Variants in SSPN observed in about 807,000 individuals in gnomAD.
SSPN encodes K-ras oncogene-associated protein.
A neutral mutation model predicts 19.1 loss-of-function variants in SSPN; 15 were observed. That is an observed-to-expected ratio of 0.78 (90% CI 0.52 to 1.21). SSPN has a LOEUF of 1.21. Ranked by LOEUF, SSPN falls within the 50% of genes most tolerant of loss-of-function variation. The pLI, the probability that SSPN is intolerant of heterozygous loss-of-function variation, is 0.00. For synonymous variants in SSPN, 147 were observed against 140.3 expected (o/e 1.05, Z -0.34); for missense variants, 291 against 314.0 (o/e 0.93, Z 0.55).
At chr12:26,164,279 A>T (rs891645633) in intron 1 of SSPN, among the ~76,000 whole-genome samples, 2 of 152,190 alleles carry the variant, frequency 1.3e-5, no homozygotes, top group African/African-American at 4.8e-5. Flanking sequence ...CTTCCCAAGA[A>T]CTTATTATGT....
intron 1 of SSPN, chr12:26,122,412 TC>T: frequency 2.3e-6 from 3 of 1,316,470 alleles, no homozygotes; most frequent in Non-Finnish European, 2.0e-6. Flanking sequence ...GCCGCTCTTG[TC>T]CAGGAAGGGC....
At chr12:26,228,269 C>A (rs1945196870) in intron 2 of SSPN, among the ~76,000 whole-genome samples, 1 of 151,174 alleles carries the variant, frequency 6.6e-6, no homozygotes, top group African/African-American at 2.4e-5. Context: ...TGTGGTGGCA[C>A]ACACCTGTAG....
At chr12:26,227,964 C>A (rs1229237107) in intron 2 of SSPN, among the ~76,000 whole-genome samples, 1 of 152,190 alleles carries the variant, frequency 6.6e-6, no homozygotes, top group Non-Finnish European at 1.5e-5. Flanking sequence ...AGACAAAATT[C>A]CCATTTTCAG....
At chr12:26,123,359 G>A (rs534544194) in intron 1 of SSPN, among the ~76,000 whole-genome samples, 80 of 152,306 alleles carry the variant, frequency 5.3e-4, no homozygotes, top group African/African-American at 1.7e-3. Context: ...GGAGCGGGGA[G>A]AGGGCGCTCT....
At chr12:26,228,163 A>G (rs966205914) in intron 2 of SSPN, among the ~76,000 whole-genome samples, 1 of 152,100 alleles carries the variant, frequency 6.6e-6, no homozygotes, top group Non-Finnish European at 1.5e-5. Context: ...TGGGAGGCTG[A>G]GTCAGGAGGA....
At chr12:26,173,401 A>T (rs1944664812) in intron 1 of SSPN, among the ~76,000 whole-genome samples, 1 of 152,184 alleles carries the variant, frequency 6.6e-6, no homozygotes, top group African/African-American at 2.4e-5. Flanking sequence ...GTAACTACAG[A>T]TTCAGCCACT....
chr12:26,124,933 T>C lies in SSPN; in HGVS notation c.-31+2781T>C, dbSNP rs1022081540. ...GTGCAGTGTTGAAAGTGTGAAGCAG[T>C]TGGTCCCCCCCCTCCACCGCGCTCG... On this transcript the variant is annotated intron_variant, in intron 1 of 2. Transcript: ENST00000538142. The C allele has an allele frequency of 1.3e-4, 104 of 793,308 alleles. No homozygotes were observed. In the Admixed American group the frequency reaches 1.5e-3, roughly 12 times the overall value. The allele number at this position is 793,308 out of a possible 1,614,324, so 49.1% of individuals were successfully genotyped here. A position where few individuals can be genotyped will look rare whatever the true frequency, so the allele number is the denominator to read the frequency against.
At chr12:26,185,136 A>G (rs1184843805) in intron 1 of SSPN, among the ~76,000 whole-genome samples, 1 of 152,194 alleles carries the variant, frequency 6.6e-6, no homozygotes, top group African/African-American at 2.4e-5. Context: ...ACTGAAAAAA[A>G]TACTCCTCTC....
chr12:26,205,820 A>G (rs1944926295), intron 1 of SSPN, among the ~76,000 whole-genome samples: 1 of 152,214 alleles, frequency 6.6e-6, no homozygotes, highest in African/African-American at 2.4e-5. Flanking sequence ...TATGAGTTAC[A>G]TGTTCAATAA....
At chr12:26,178,653 TG>T (rs1944699636) in intron 1 of SSPN, among the ~76,000 whole-genome samples, 2 of 151,826 alleles carry the variant, frequency 1.3e-5, no homozygotes, top group African/African-American at 4.8e-5. Flanking sequence ...AGGAACAGAG[TG>T]GGTCTGGCTT....
chr12:26,128,833 T>C (rs1279614851), intron 1 of SSPN, among the ~76,000 whole-genome samples: 4 of 152,166 alleles, frequency 2.6e-5, no homozygotes, highest in Non-Finnish European at 5.9e-5. Context: ...TGCTTTTCTT[T>C]GGTTAAGTAA....
At chr12:26,178,354 T>C (rs949431934) in intron 1 of SSPN, among the ~76,000 whole-genome samples, 2 of 152,252 alleles carry the variant, frequency 1.3e-5, no homozygotes, top group Middle Eastern at 6.8e-3. Context: ...TGTATGTGTG[T>C]GTGTGTGTGT....
intron 1 of SSPN, among the ~76,000 whole-genome samples, chr12:26,136,675 C>T (rs1361625770): frequency 1.3e-5 from 2 of 152,152 alleles, no homozygotes; most frequent in Non-Finnish European, 2.9e-5. Flanking sequence ...CTATTGCTTT[C>T]CATTACTCTT....
At chr12:26,154,857 C>T (rs768763437) in intron 1 of SSPN, among the ~76,000 whole-genome samples, 4 of 151,986 alleles carry the variant, frequency 2.6e-5, no homozygotes, top group Non-Finnish European at 5.9e-5. Flanking sequence ...AGATCCTGGA[C>T]CAGAATTATA....
At chr12:26,166,456 G>GATTGTAC (rs1322145581) in intron 1 of SSPN, among the ~76,000 whole-genome samples, 2 of 152,216 alleles carry the variant, frequency 1.3e-5, no homozygotes, top group African/African-American at 4.8e-5. Context: ...AAAACTGGCT[G>GATTGTAC]ATTGTACATT....
intron 1 of SSPN, among the ~76,000 whole-genome samples, chr12:26,209,679 G>A (rs983261430): frequency 6.6e-6 from 1 of 151,908 alleles, no homozygotes; most frequent in African/African-American, 2.4e-5. Context: ...TTTAAAAACT[G>A]TCCTGTTCTT....
At chr12:26,184,154 A>G (rs140998506) in intron 1 of SSPN, among the ~76,000 whole-genome samples, 37 of 152,272 alleles carry the variant, frequency 2.4e-4, no homozygotes, top group Non-Finnish European at 4.6e-4. Context: ...GAACATTCCT[A>G]CTCTAAAGCC....
chr12:26,184,175 A>G (rs115107097), intron 1 of SSPN, among the ~76,000 whole-genome samples: 2,206 of 152,316 alleles, frequency 0.014, 62 homozygotes, highest in African/African-American at 0.051. Flanking sequence ...TGCAGATGAC[A>G]ATCTGAATGG....
chr12:26,159,132 G>A (rs1362666676), intron 1 of SSPN, among the ~76,000 whole-genome samples: 2 of 152,232 alleles, frequency 1.3e-5, no homozygotes, highest in Non-Finnish European at 2.9e-5. Flanking sequence ...GATGGGGAGA[G>A]GAGGTGGAGC....
Sources: allele counts gnomAD v4.1 joint callset (sites outside exome capture counted in the v4.1 genomes callset), GRCh38; gene constraint gnomAD v4.1.1; transcripts MANE v1.5; gene names NCBI Gene and HGNC (gene_info 2026-07-23, HGNC 2026-07-21).